Variants in GRIP2 observed in about 807,000 individuals in gnomAD.
GRIP2 encodes the protein glutamate receptor-interacting protein 2.
A neutral mutation model predicts 108.3 loss-of-function variants in GRIP2; 58 were observed. That is an observed-to-expected ratio of 0.54 (90% CI 0.43 to 0.67). The LOEUF (loss-of-function observed/expected upper bound fraction) is 0.67, where lower values mean the gene tolerates loss of function less well. Among genes scored for constraint, GRIP2 ranks in the 30% least tolerant of loss-of-function variants. The probability of loss-of-function intolerance (pLI) is 0.00; values close to 1 mark genes in which losing one functional copy is unlikely to be tolerated. For synonymous variants in GRIP2, 586 were observed against 598.2 expected (o/e 0.98, Z 0.30); for missense variants, 1,278 against 1,430.6 (o/e 0.89, Z 1.72).
rs746505102 is a variant in GRIP2, at chr3:14,511,412, C to G, written c.1787+1G>C. 6.2e-7 allele frequency: 1 copy of G among 1,614,000 alleles called. No homozygotes were observed. The highest frequency in any genetic ancestry group is 1.1e-5 in the South Asian group (1 of 91,082). Reference sequence around the variant, plus strand: ...CCCTTCCTGTGCCCCAGTGCCCCTACCTGTGTGCCACGCTGCCTTTCTTGA... The same window carrying G: ...CCCTTCCTGTGCCCCAGTGCCCCTAGCTGTGTGCCACGCTGCCTTTCTTGA... On this transcript the variant is annotated splice_donor_variant, in intron 15 of 23. Coordinates refer to ENST00000621039, the MANE Select transcript of GRIP2 (RefSeq NM_001080423.4). LOFTEE classifies it high-confidence loss of function. This position sits in a 1 kb window ranked among gnomAD's most constrained non-coding sequence, Gnocchi z 4.1.
upstream of GRIP2, among the ~76,000 whole-genome samples, chr3:14,545,189 G>A (rs1695039441): frequency 1.3e-5 from 2 of 152,212 alleles, no homozygotes; most frequent in African/African-American, 4.8e-5. Context: ...GAGACTCCAC[G>A]CACCAGGCCT....
the GRIP2 span, among the ~76,000 whole-genome samples, chr3:14,576,378 T>A: frequency 2.2e-4 from 34 of 152,308 alleles, no homozygotes; most frequent in African/African-American, 7.9e-4. Context: ...CAGCACAAGG[T>A]CACACAGCTC....
chr3:14,590,183 G>C, the GRIP2 span, among the ~76,000 whole-genome samples: 3 of 152,212 alleles, frequency 2.0e-5, no homozygotes, highest in Non-Finnish European at 4.4e-5. Flanking sequence ...TAATCCCTGA[G>C]AAGGTGAGGC....
At position 14,522,536 on chromosome 3, in the gene GRIP2, A is replaced by C; in HGVS notation, c.566+464T>G. On this transcript the variant is annotated intron_variant, in intron 6 of 23. Coordinates refer to ENST00000621039, the MANE Select transcript of GRIP2 (RefSeq NM_001080423.4). The surrounding 1 kb of genome is among the most constrained non-coding windows in gnomAD (Gnocchi z 4.3). ...AGGGATCAGGGGCTGGGAACTGGAC[A>C]TGTTCTTTCCCCACATTCTCTCCTC... is the stretch of plus-strand genomic sequence containing the variant. The C allele has an allele frequency of 6.2e-6, 1 of 160,648 alleles. No homozygotes were observed. Among genetic ancestry groups the C allele is most frequent in the Admixed American group, 5.9e-5 (1 of 16,982 alleles). 10.0% of individuals were successfully genotyped at this position (160,648 alleles called of 1,614,324 possible). A position where few individuals can be genotyped will look rare whatever the true frequency, so the allele number is the denominator to read the frequency against.
At chr3:14,570,154 G>A in the GRIP2 span, among the ~76,000 whole-genome samples, 637 of 152,344 alleles carry the variant, frequency 4.2e-3, 4 homozygotes, top group Middle Eastern at 0.017. Context: ...AGAGGAGGAA[G>A]GACTTTTGAG....
chr3:14,587,957 A>G, the GRIP2 span, among the ~76,000 whole-genome samples: 1 of 152,270 alleles, frequency 6.6e-6, no homozygotes, highest in African/African-American at 2.4e-5. Flanking sequence ...TATTATTCAT[A>G]AAGTAGCCAT....
In GRIP2 at chr3:14,507,486, A is replaced by T; in HGVS notation, c.2218+75T>A. 1.3e-6 allele frequency: 2 copies of T among 1,542,544 alleles called. No individual in the cohort carries two copies. Among genetic ancestry groups the T allele is most frequent in the Non-Finnish European group, 1.8e-6 (2 of 1,121,218 alleles). On this transcript the variant is annotated intron_variant, in intron 18 of 23. Coordinates refer to ENST00000621039, the MANE Select transcript of GRIP2 (RefSeq NM_001080423.4). This position sits in a 1 kb window ranked among gnomAD's most constrained non-coding sequence, Gnocchi z 4.6. The stretch of plus-strand genomic sequence containing the variant: ...CAGTGAGGACTCTGTGAGGGTGTGC[A>T]GGCAAAGCCTGGCACAGAGGGATTG...
intron 1 of GRIP2, among the ~76,000 whole-genome samples, chr3:14,555,528 GA>G (rs1695223852): frequency 6.6e-6 from 1 of 152,058 alleles, no homozygotes. Flanking sequence ...CGGGGGCAGA[GA>G]ACCGGGTGAG....
chr3:14,520,113 C>A lies in GRIP2; in HGVS notation c.1027G>T (p.Ala343Ser). The A allele has an allele frequency of 6.3e-7, 1 of 1,594,830 alleles. No individual in the cohort carries two copies. Among genetic ancestry groups the A allele is most frequent in the East Asian group, 2.3e-5 (1 of 44,010 alleles). Residue 343 changes from alanine to serine, a missense_variant, in exon 9 of 24, where the codon GCA (alanine) becomes TCA (serine). Coordinates refer to ENST00000621039, the MANE Select transcript of GRIP2 (RefSeq NM_001080423.4). ...GAGATCTACTGAGGGGACCCACCTG[C>A]CTCTGAGGGCCTCAGTGGCCGCTGA... is the stretch of plus-strand genomic sequence containing the variant. ...QSQRPLRPSE[A>S]VKVQRSEQLH...
At chr3:14,568,493 G>C in the GRIP2 span, among the ~76,000 whole-genome samples, 2 of 152,210 alleles carry the variant, frequency 1.3e-5, no homozygotes, top group Non-Finnish European at 2.9e-5. Flanking sequence ...GGGAGTGTCA[G>C]AGCTGGGATT....
At chr3:14,526,649 T>C (rs1010801788) in intron 1 of GRIP2, among the ~76,000 whole-genome samples, 1 of 152,218 alleles carries the variant, frequency 6.6e-6, no homozygotes, top group South Asian at 2.1e-4. Context: ...ACTTTAGGAC[T>C]TTCCATTTTA....
chr3:14,571,838 A>G, the GRIP2 span, among the ~76,000 whole-genome samples: 5 of 152,268 alleles, frequency 3.3e-5, no homozygotes, highest in East Asian at 9.7e-4. Flanking sequence ...AAGAGTTGAG[A>G]ATCCCCTGGG....
rs548432647 is a variant in GRIP2 at position 14,549,910 on chromosome 3, T to C, written c.55+5990A>G. 3.9e-5 allele frequency among the ~76,000 whole-genome samples: 6 copies of C among 152,236 alleles called. No homozygotes were observed. The East Asian group carries it at 7.8e-4, about 20-fold the overall frequency. On this transcript the variant is annotated intron_variant, in intron 1 of 23. Transcript: ENST00000637182. ...CAGATTCTGTGTCCTCATGGTAGAC[T>C]TGAATATTGAAAGAGAACCCTGGAG...
the GRIP2 span, among the ~76,000 whole-genome samples, chr3:14,589,565 C>G: frequency 6.6e-6 from 1 of 152,138 alleles, no homozygotes; most frequent in Non-Finnish European, 1.5e-5. Flanking sequence ...TTTATTGACA[C>G]TGCAACAAAT....
At position 14,505,771 on chromosome 3, in the gene GRIP2, G is replaced by T; in HGVS notation, c.2417C>A (p.Ala806Glu). 6.4e-7 allele frequency: 1 copy of T among 1,560,454 alleles called. No individual in the cohort carries two copies. The change falls in exon 20 of 24, where the codon GCA becomes GAA. Residue 806 changes from alanine (A) to glutamate (E), a missense_variant. By Grantham distance (107) the Ala-to-Glu change is moderately radical. Coordinates refer to ENST00000621039, the MANE Select transcript of GRIP2 (RefSeq NM_001080423.4). This position sits in a 1 kb window ranked among gnomAD's most constrained non-coding sequence, Gnocchi z 4.2. ...FGGPGSYTPQAAARGTTPQER... is the reference protein window; with the variant it reads ...FGGPGSYTPQEAARGTTPQER... ...CTGGGGGGTCGTGCCCCGGGCTGCT[G>T]CCTGTGGTGTATAGGACCCTGGTGG...
At chr3:14,520,561 T>C (rs759944242) in intron 7 of GRIP2, 24 bp from the exon 8 acceptor site, 4 of 1,613,136 alleles carry the variant, frequency 2.5e-6, no homozygotes, top group Admixed American at 3.3e-5. Context: ...GAAAAAAAGT[T>C]TGAAATGCAA....
At chr3:14,574,130 G>A in the GRIP2 span, 5 of 984,412 alleles carry the variant, frequency 5.1e-6, no homozygotes, top group East Asian at 2.4e-5. Context: ...AGAAGTCCAC[G>A]GGCACGATGC....
At chr3:14,592,238 T>C in the GRIP2 span, among the ~76,000 whole-genome samples, 2 of 152,130 alleles carry the variant, frequency 1.3e-5, no homozygotes, top group Non-Finnish European at 2.9e-5. Flanking sequence ...AGAGAAAGGA[T>C]GACAGATAGG....
the GRIP2 span, among the ~76,000 whole-genome samples, chr3:14,584,474 G>T: frequency 6.6e-6 from 1 of 152,268 alleles, no homozygotes; most frequent in East Asian, 1.9e-4. Context: ...GGACCTCTTG[G>T]AGCCTCAGTT....
Sources: allele counts gnomAD v4.1 joint callset (sites outside exome capture counted in the v4.1 genomes callset), GRCh38; gene constraint gnomAD v4.1.1; non-coding constraint Gnocchi (gnomAD v3.1); transcripts MANE v1.5; gene names NCBI Gene and HGNC (gene_info 2026-07-23, HGNC 2026-07-21).